The following EFTUD2 variants were observed in gnomAD, a reference collection of about 807,000 sequenced individuals.
The protein encoded by EFTUD2 is 116 kDa U5 small nuclear ribonucleoprotein component.
In EFTUD2, 9 loss-of-function variants were observed where a neutral mutation model predicts 114.3. That is an observed-to-expected ratio of 0.08 (90% confidence interval 0.05 to 0.14). EFTUD2 has a LOEUF of 0.14. EFTUD2 is among the 10% of genes least tolerant of loss of function. The pLI, the probability that EFTUD2 is intolerant of heterozygous loss-of-function variation, is 1.00. For missense variants in EFTUD2, 765 were observed against 1,241.2 expected, an observed-to-expected ratio of 0.62 and a Z score of 5.76; for synonymous variants, 449 against 462.3, an observed-to-expected ratio of 0.97 and a Z score of 0.37.
chr17:44,860,268 G>A (rs1597795390), intron 17 of EFTUD2, 164 bp downstream of exon 17: 9 of 738,436 alleles, frequency 1.2e-5, no homozygotes, highest in South Asian at 5.5e-5. Context: ...CTAATTCCTC[G>A]CATCTGAACT....
In EFTUD2 at chr17:44,850,414, G is replaced by A. The variant is rs1383172944; in HGVS notation, c.*860C>T. Reference sequence around the variant, plus strand: ...AGAAGTAGGACTCCTATAGGAGCCGGGGCTGTCCAACTCCCCTAACTCAAT... The same window carrying A: ...AGAAGTAGGACTCCTATAGGAGCCGAGGCTGTCCAACTCCCCTAACTCAAT... On this transcript the variant is annotated 3_prime_UTR_variant, in exon 28 of 28. Coordinates refer to ENST00000426333, the MANE Select transcript of EFTUD2 (RefSeq NM_004247.4). 2 of 1,598,532 alleles carry A rather than the reference G, an allele frequency of 1.3e-6. No homozygotes were observed. The highest frequency in any genetic ancestry group is 1.7e-6 in the Non-Finnish European group (2 of 1,167,998).
intron 9 of EFTUD2, among the ~76,000 whole-genome samples, chr17:44,878,313 C>A (rs1172990628): frequency 6.6e-6 from 1 of 152,160 alleles, no homozygotes; most frequent in Non-Finnish European, 1.5e-5. Context: ...ATTAGACAAA[C>A]CCAAATTGAA....
chr17:44,871,723 G>A (rs1211303188), intron 11 of EFTUD2, among the ~76,000 whole-genome samples: 1 of 152,166 alleles, frequency 6.6e-6, no homozygotes, highest in Non-Finnish European at 1.5e-5. Flanking sequence ...CAACTGACTG[G>A]CAAGAATAGA....
At chr17:44,862,550 A>G (rs2050676602) in intron 16 of EFTUD2, among the ~76,000 whole-genome samples, 163 bp downstream of exon 16, 1 of 152,358 alleles carries the variant, frequency 6.6e-6, no homozygotes, top group African/African-American at 2.4e-5. Flanking sequence ...AACCTGGGAC[A>G]GGAAGAACTT....
chr17:44,851,178 C>CT lies in EFTUD2; in HGVS notation c.*95dup, dbSNP rs1220034222. 1.0e-6 allele frequency: 1 copy of CT among 1,001,882 alleles called. No homozygotes were observed. Among genetic ancestry groups the CT allele is most frequent in the Non-Finnish European group, 1.6e-6 (1 of 635,432 alleles). The allele number at this position is 1,001,882 out of a possible 1,614,324, so 62.1% of individuals were successfully genotyped here. A position where few individuals can be genotyped will look rare whatever the true frequency, so the allele number is the denominator to read the frequency against. On this transcript the variant is annotated 3_prime_UTR_variant, in exon 28 of 28. Coordinates refer to ENST00000426333, the MANE Select transcript of EFTUD2 (RefSeq NM_004247.4). ...GGCAACAGCAGCTTCCAGACACTCT[C>CT]TGACAACACGAAGGCCACGTCATAT...
In EFTUD2 at chr17:44,886,873, T is replaced by C. The variant is rs79951802; in HGVS notation, c.106-123A>G. The C allele has an allele frequency of 0.072, 105,178 of 1,462,698 alleles. 4,407 individuals carry two copies. Among genetic ancestry groups the C allele is most frequent in the Non-Finnish European group, 0.086 (94,548 of 1,101,764 alleles). 90.6% of individuals were successfully genotyped at this position (1,462,698 alleles called of 1,614,324 possible). A position where few individuals can be genotyped will look rare whatever the true frequency, so the allele number is the denominator to read the frequency against. Reference sequence around the variant, plus strand: ...GGCCAGCTTCTTATTCTGAGTTCTATGCCAGTGGGGGAGGTTCCACTCCTT... The same window carrying C: ...GGCCAGCTTCTTATTCTGAGTTCTACGCCAGTGGGGGAGGTTCCACTCCTT... On this transcript the variant is annotated intron_variant, in intron 2 of 27. Coordinates refer to ENST00000426333, the MANE Select transcript of EFTUD2 (RefSeq NM_004247.4).
rs2050443190 is a variant in EFTUD2 at position 44,851,306 on chromosome 17, T to G, written c.2887A>C (p.Lys963Gln). The G allele has an allele frequency of 1.2e-6, 2 of 1,614,082 alleles. No homozygotes were observed. The highest frequency in any genetic ancestry group is 1.1e-5 in the South Asian group (1 of 91,090). ...GGGTAATTGAGCACAACATCCTGTTTGGCAAGTTCCAGCAACATAGGATCA... is the reference window on the plus strand; with the variant it reads ...GGGTAATTGAGCACAACATCCTGTTGGGCAAGTTCCAGCAACATAGGATCA... ...FDDPMLLELA[K>Q]QDVVLNYPM The change falls in exon 28 of 28, where the codon AAA becomes CAA. Residue 963 changes from lysine to glutamine, a missense_variant. Lys to Gln is a moderately conservative substitution (Grantham distance 53, BLOSUM62 1). This residue lies in a region of EFTUD2 where 166 missense variants were observed against 401.5 expected (regional missense o/e 0.41). Coordinates refer to ENST00000426333, the MANE Select transcript of EFTUD2 (RefSeq NM_004247.4).
At chr17:44,895,693 C>T (rs2051371830) in intron 1 of EFTUD2, 1 of 152,132 alleles carries the variant, frequency 6.6e-6, no homozygotes, top group African/African-American at 2.4e-5. Flanking sequence ...GTAATTCCTA[C>T]AAACAAGAAC....
At chr17:44,852,182 G>T (rs2050466975) in intron 26 of EFTUD2, among the ~76,000 whole-genome samples, 1 of 151,798 alleles carries the variant, frequency 6.6e-6, no homozygotes, top group African/African-American at 2.4e-5. Context: ...CTCCCAAAGT[G>T]CTGGGATTAC....
At chr17:44,876,243 G>T in intron 9 of EFTUD2, 143 bp from the exon 10 acceptor site, 1 of 966,356 alleles carries the variant, frequency 1.0e-6, no homozygotes, top group Non-Finnish European at 1.5e-6. Flanking sequence ...TGGAAGCAGA[G>T]AGCATCCTGC....
intron 24 of EFTUD2, 47 bp from the exon 25 acceptor site, chr17:44,853,437 G>C: frequency 6.2e-7 from 1 of 1,612,906 alleles, no homozygotes; most frequent in Non-Finnish European, 8.5e-7. Context: ...GGAAGGCTGG[G>C]GGCCTATAGT....
chr17:44,860,195 C>A, intron 17 of EFTUD2, 150 bp from the exon 18 acceptor site: 1 of 1,046,360 alleles, frequency 9.6e-7, no homozygotes. Flanking sequence ...ACCTGAAGGG[C>A]CATTTCTTCC....
intron 11 of EFTUD2, among the ~76,000 whole-genome samples, chr17:44,868,974 T>C (rs1398690922): frequency 6.6e-6 from 1 of 152,232 alleles, no homozygotes; most frequent in Non-Finnish European, 1.5e-5. Context: ...GTCAAGACGT[T>C]GGGTGACATC....
Position 44,862,611 on chromosome 17 carries a change from A to G in EFTUD2, c.1607+102T>C. 3 of 1,145,922 alleles carry G rather than the reference A, an allele frequency of 2.6e-6. No individual in the cohort carries two copies. In the East Asian group the frequency reaches 7.8e-5, roughly 30 times the overall value. The allele number at this position is 1,145,922 out of a possible 1,614,324, so 71.0% of individuals were successfully genotyped here. ...AGCCACTTTATCCCCTCTTGCACAG[A>G]GCCTTGCAACTACTTCCAAGGAGGA... On this transcript the variant is annotated intron_variant, in intron 16 of 27. Coordinates refer to ENST00000426333, the MANE Select transcript of EFTUD2 (RefSeq NM_004247.4).
rs775710945 is a variant in EFTUD2 at position 44,883,715 on chromosome 17, C to T, written c.360G>A (p.Ala120=). 1.4e-5 allele frequency: 23 copies of T among 1,613,958 alleles called. No homozygotes were observed. Among genetic ancestry groups the T allele is most frequent in the Admixed American group, 1.0e-4 (6 of 59,992 alleles). ...TGAGCTCTGAGTTATCCATCAGATC[C>T]GCCAAGAAACTGAAAGGACAAAGGA... ...PVTVYEMDFL[A]DLMDNSELIR... The change falls in exon 5 of 28, where the codon GCG becomes GCA. Residue 120 remains alanine, a synonymous_variant. Transcript: ENST00000426333.
chr17:44,860,596 T>A, intron 16 of EFTUD2, 53 bp from the exon 17 acceptor site: 8 of 136,306 alleles, frequency 5.9e-5, no homozygotes, highest in Non-Finnish European at 9.9e-5. Flanking sequence ...CATTCCCTAA[T>A]TTTTTTTTTT....
chr17:44,853,153 AC>A (rs1039007271), intron 25 of EFTUD2, 142 bp downstream of exon 25: 1 of 837,816 alleles, frequency 1.2e-6, no homozygotes, highest in African/African-American at 1.7e-5. Context: ...CTCCGCTCCT[AC>A]TTCTTTCTGG....
intron 14 of EFTUD2, among the ~76,000 whole-genome samples, 179 bp downstream of exon 14, chr17:44,864,751 G>C (rs2050715444): frequency 6.6e-6 from 1 of 152,172 alleles, no homozygotes; most frequent in Non-Finnish European, 1.5e-5. Flanking sequence ...TAGAATGTGT[G>C]CCATCATCCA....
At chr17:44,851,627 G>A (rs1040674375) in intron 27 of EFTUD2, 83 bp downstream of exon 27, 15 of 1,352,992 alleles carry the variant, frequency 1.1e-5, no homozygotes, top group African/African-American at 3.0e-5. Context: ...CTTAGGAAAA[G>A]GGGCCAAAAG....
Sources: allele counts gnomAD v4.1 joint callset (sites outside exome capture counted in the v4.1 genomes callset), GRCh38; gene constraint gnomAD v4.1.1; regional missense constraint gnomAD v4.1.1; transcripts MANE v1.5; gene names NCBI Gene and HGNC (gene_info 2026-07-23, HGNC 2026-07-21).